TSHZ2: variants seen among roughly 807,000 people sequenced by gnomAD.
The protein encoded by TSHZ2 is teashirt zinc finger homeobox 2.
TSHZ2 carries 21 observed loss-of-function variants against 74.4 expected under a neutral mutation model. That is an observed-to-expected ratio of 0.28 (90% CI 0.20 to 0.41). The LOEUF is 0.41. Ranked by LOEUF, TSHZ2 falls within the 10% of genes least tolerant of loss-of-function variation. The pLI is 1.00. For synonymous variants in TSHZ2, 540 were observed against 515.3 expected, an observed-to-expected ratio of 1.05 and a Z score of -0.65; for missense variants, 1,244 against 1,293.5, an observed-to-expected ratio of 0.96 and a Z score of 0.59.
chr20:53,456,597 T>A (rs376919524), intron 2 of TSHZ2, among the ~76,000 whole-genome samples: 25 of 130,790 alleles, frequency 1.9e-4, no homozygotes, highest in African/African-American at 6.3e-4. Context: ...TTTTGTTGCC[T>A]TTGCTTTTGG....
intron 2 of TSHZ2, among the ~76,000 whole-genome samples, chr20:53,473,374 C>A (rs372072355): frequency 2.1e-5 from 3 of 140,428 alleles, no homozygotes; most frequent in African/African-American, 8.2e-5. Flanking sequence ...GCCTAACTGG[C>A]AGGCACCCCC....
At chr20:53,472,269 C>A (rs1402192816) in intron 2 of TSHZ2, among the ~76,000 whole-genome samples, 2 of 152,208 alleles carry the variant, frequency 1.3e-5, no homozygotes, top group Admixed American at 1.3e-4. Flanking sequence ...AGGCGCAGGC[C>A]TGAATTGTGT....
At chr20:53,140,613 C>A in intron 1 of TSHZ2, among the ~76,000 whole-genome samples, 1 of 149,238 alleles carries the variant, frequency 6.7e-6, no homozygotes, top group East Asian at 2.0e-4. Context: ...TCAGTGGTTT[C>A]TTGGTTTAAT....
intron 1 of TSHZ2, among the ~76,000 whole-genome samples, chr20:53,051,502 G>C (rs901296092): frequency 8.6e-6 from 1 of 116,128 alleles, no homozygotes; most frequent in African/African-American, 2.7e-5. Flanking sequence ...CACAATTCAG[G>C]TGGATTTGCA....
intron 2 of TSHZ2, among the ~76,000 whole-genome samples, chr20:53,269,083 G>C (rs1324584649): frequency 6.6e-6 from 1 of 152,174 alleles, no homozygotes; most frequent in East Asian, 1.9e-4. Flanking sequence ...TTGCAGCCCT[G>C]TGTCTCCTGC....
At chr20:53,290,762 T>C (rs1991263619) in intron 2 of TSHZ2, among the ~76,000 whole-genome samples, 1 of 152,336 alleles carries the variant, frequency 6.6e-6, no homozygotes, top group Non-Finnish European at 1.5e-5. Flanking sequence ...GCTAGACCTG[T>C]AGTCAGTGTC....
intron 1 of TSHZ2, among the ~76,000 whole-genome samples, chr20:53,016,585 GT>G: frequency 6.6e-6 from 1 of 152,266 alleles, no homozygotes; most frequent in Admixed American, 6.5e-5. Flanking sequence ...CAGAGAAATG[GT>G]TTTTCCTTTT....
chr20:53,283,312 G>T (rs1027128533), intron 2 of TSHZ2, among the ~76,000 whole-genome samples: 1 of 152,036 alleles, frequency 6.6e-6, no homozygotes, highest in Non-Finnish European at 1.5e-5. Context: ...AAAAAATCAG[G>T]GCTAATAGTT....
At chr20:53,082,524 CTTCATTTGATGTTAATT>C (rs1425418131) in intron 1 of TSHZ2, among the ~76,000 whole-genome samples, 1 of 152,184 alleles carries the variant, frequency 6.6e-6, no homozygotes, top group Non-Finnish European at 1.5e-5. Context: ...CTTAAGAGAT[CTTCATTTGATGTTAATT>C]TTACATTTTA....
chr20:53,096,332 G>A (rs1345461742), intron 1 of TSHZ2, among the ~76,000 whole-genome samples: 1 of 151,942 alleles, frequency 6.6e-6, no homozygotes, highest in African/African-American at 2.4e-5. Context: ...TAGTAGAGAC[G>A]GGGTTTCACC....
intron 1 of TSHZ2, among the ~76,000 whole-genome samples, chr20:53,201,661 C>A: frequency 6.6e-6 from 1 of 152,196 alleles, no homozygotes; most frequent in East Asian, 1.9e-4. Flanking sequence ...ATGATCTCGC[C>A]TGTCACAAGG....
intron 2 of TSHZ2, among the ~76,000 whole-genome samples, chr20:53,338,938 A>G (rs1462504647): frequency 6.6e-6 from 1 of 152,236 alleles, no homozygotes; most frequent in Admixed American, 6.5e-5. Flanking sequence ...AGTGATGGGA[A>G]GCACTGATGA....
rs1485485544 is a variant in TSHZ2, at chr20:53,431,468, AAAAG to A, written c.*9-55673_*9-55670del. Among the ~76,000 whole-genome samples, 152 of 151,944 alleles carry A rather than the reference AAAAG, an allele frequency of 1.0e-3. 1 individual carries two copies. Among genetic ancestry groups the A allele is most frequent in the African/African-American group, 3.4e-3 (143 of 41,458 alleles). On this transcript the variant is annotated intron_variant, in intron 2 of 2. Transcript: ENST00000371497. ...TGAAACTCTGTCTCAAAAAAAAAAA[AAAAG>A]AAGAAGAAGAAGAAAAGAAAGGCAC...
chr20:53,089,831 G>A (rs1022407425), intron 1 of TSHZ2, among the ~76,000 whole-genome samples: 19 of 152,234 alleles, frequency 1.2e-4, no homozygotes, highest in African/African-American at 4.6e-4. Context: ...GGCCTGGGGA[G>A]CGCCCAAGAA....
intron 2 of TSHZ2, among the ~76,000 whole-genome samples, chr20:53,341,245 G>A (rs1284508311): frequency 6.6e-6 from 1 of 152,124 alleles, no homozygotes; most frequent in East Asian, 1.9e-4. Flanking sequence ...CCGATCGCCA[G>A]CCTTCCAGAG....
At chr20:53,075,333 T>C (rs1391882611) in intron 1 of TSHZ2, among the ~76,000 whole-genome samples, 1 of 152,194 alleles carries the variant, frequency 6.6e-6, no homozygotes, top group Non-Finnish European at 1.5e-5. Flanking sequence ...GCCTGTGCAA[T>C]GGGATTAAGA....
intron 1 of TSHZ2, among the ~76,000 whole-genome samples, chr20:53,034,541 A>C (rs952478183): frequency 7.9e-5 from 12 of 152,222 alleles, no homozygotes; most frequent in African/African-American, 2.9e-4. Context: ...TTGGTGAAAT[A>C]GAATTTCCAA....
At chr20:53,145,798 G>A (rs1987526149) in intron 1 of TSHZ2, among the ~76,000 whole-genome samples, 1 of 152,220 alleles carries the variant, frequency 6.6e-6, no homozygotes, top group African/African-American at 2.4e-5. Flanking sequence ...ATGCTTGGGA[G>A]GGAGAGGTAC....
At position 53,478,426 on chromosome 20, in the gene TSHZ2, ACTG is replaced by A. The variant is rs1439721577; in HGVS notation, c.*9-8716_*9-8714del. On this transcript the variant is annotated intron_variant, in intron 2 of 2. Coordinates refer to ENST00000371497, the MANE Select transcript of TSHZ2 (RefSeq NM_173485.6). Reference sequence around the variant, plus strand: ...CTATCGCAAGAACAAAAAACCAAACACTGCATATTCTCACTCATAGGTGGGAAT... The same window carrying A: ...CTATCGCAAGAACAAAAAACCAAACACATATTCTCACTCATAGGTGGGAAT... 2.0e-5 allele frequency among the ~76,000 whole-genome samples: 3 copies of A among 149,806 alleles called. No homozygotes were observed. In the East Asian group the frequency reaches 5.9e-4, roughly 29 times the overall value.
Sources: gnomAD v4.1 joint callset for allele counts (sites outside exome capture counted in the v4.1 genomes callset) on GRCh38, gnomAD v4.1.1 for gene constraint, MANE v1.5 for transcripts, NCBI Gene and HGNC (gene_info 2026-07-23, HGNC 2026-07-21) for gene names.